The following BANF2 variants were observed in gnomAD, a reference collection of about 807,000 sequenced individuals.
BANF2 encodes BANF family member 2.
BANF2 carries 4 observed loss-of-function variants against 8.0 expected under a neutral mutation model. The observed-to-expected ratio is 0.50, with a 90% confidence interval of 0.25 to 1.14. The LOEUF is 1.14. Ranked by LOEUF, BANF2 falls within the 50% of genes most tolerant of loss-of-function variation. The pLI is 0.16. For synonymous variants in BANF2, 50 were observed against 40.6 expected, an observed-to-expected ratio of 1.23 and a Z score of -0.88; for missense variants, 96 against 107.5, an observed-to-expected ratio of 0.89 and a Z score of 0.47.
intron 1 of BANF2, among the ~76,000 whole-genome samples, chr20:17,694,429 A>C (rs1213236218): frequency 6.6e-6 from 1 of 152,066 alleles, no homozygotes; most frequent in Non-Finnish European, 1.5e-5. Flanking sequence ...AGGGTGTTCG[A>C]CAATCTTAGG....
In BANF2 at chr20:17,725,137, A is replaced by G. The variant is rs1363782148; in HGVS notation, c.112A>G (p.Lys38Glu). The change falls in exon 3 of 4, where the codon AAA (lysine) becomes GAA (glutamate). Residue 38 changes from lysine to glutamate, a missense_variant. By Grantham distance (56) the Lys-to-Glu change is moderately conservative. Coordinates refer to ENST00000246090, the MANE Select transcript of BANF2 (RefSeq NM_178477.5). ...SHELAINLVT[K>E]GINKAYILLG... ...TGAGCTCGCGATCAATTTGGTCACC[A>G]AAGGTATCAATAAGGTAATTCATAT... 3 of 1,612,624 alleles carry G rather than the reference A, an allele frequency of 1.9e-6. No individual in the cohort carries two copies. The highest frequency in any genetic ancestry group is 2.5e-6 in the Non-Finnish European group (3 of 1,178,602).
intron 1 of BANF2, among the ~76,000 whole-genome samples, chr20:17,711,367 AC>A (rs368502390): frequency 1.3e-5 from 2 of 152,324 alleles, no homozygotes; most frequent in African/African-American, 4.8e-5. Flanking sequence ...CACCACACTT[AC>A]CCGTATAAAG....
chr20:17,714,022 A>G (rs1465274487), intron 1 of BANF2, among the ~76,000 whole-genome samples: 1 of 151,932 alleles, frequency 6.6e-6, no homozygotes, highest in Non-Finnish European at 1.5e-5. Flanking sequence ...CCTGGCCAAC[A>G]TGATGAAACC....
intron 1 of BANF2, among the ~76,000 whole-genome samples, chr20:17,719,016 G>A (rs1037376369): frequency 2.0e-5 from 3 of 152,218 alleles, no homozygotes; most frequent in African/African-American, 7.2e-5. Flanking sequence ...ACCCAATGCT[G>A]CAGCTCGCCC....
chr20:17,715,909 T>A (rs1176816214), intron 1 of BANF2, among the ~76,000 whole-genome samples: 1 of 152,214 alleles, frequency 6.6e-6, no homozygotes, highest in Non-Finnish European at 1.5e-5. Context: ...GGCCTGCAAA[T>A]GATTACTGGG....
rs554018550 is a variant in BANF2 at position 17,714,676 on chromosome 20, T to A, written c.-166-8040T>A. ...GCCAGAAGTTCTAGGGAATTCAAAA[T>A]TTTTTTTTTTGAAAAAATGGGCAAT... is the stretch of plus-strand genomic sequence containing the variant. On this transcript the variant is annotated intron_variant, in intron 1 of 3. Coordinates refer to ENST00000246090, the MANE Select transcript of BANF2 (RefSeq NM_178477.5). Among the ~76,000 whole-genome samples, 566 of 125,628 alleles carry A rather than the reference T, an allele frequency of 4.5e-3. 3 individuals carry two copies. The highest frequency in any genetic ancestry group is 0.014 in the African/African-American group (537 of 39,188). The allele number at this position is 125,628 out of a possible 152,430, so 82.4% of individuals were successfully genotyped here.
intron 3 of BANF2, among the ~76,000 whole-genome samples, chr20:17,733,222 A>AGTT (rs2037927792): frequency 6.6e-6 from 1 of 152,196 alleles, no homozygotes; most frequent in Non-Finnish European, 1.5e-5. Context: ...CAGGGGATGC[A>AGTT]TTAGCCTCCA....
chr20:17,708,198 G>A (rs1382116547), intron 1 of BANF2, among the ~76,000 whole-genome samples: 1 of 152,026 alleles, frequency 6.6e-6, no homozygotes, highest in East Asian at 1.9e-4. Context: ...CTGCACTCTA[G>A]CCTGGGTGAC....
At chr20:17,699,659 T>C (rs2037381211), upstream of BANF2, among the ~76,000 whole-genome samples, 1 of 152,190 alleles carries the variant, frequency 6.6e-6, no homozygotes, top group South Asian at 2.1e-4. Context: ...TTTAACTGAA[T>C]TGACGCAGGC....
At chr20:17,714,988 A>G (rs1600219743) in intron 1 of BANF2, among the ~76,000 whole-genome samples, 1 of 152,238 alleles carries the variant, frequency 6.6e-6, no homozygotes, top group East Asian at 1.9e-4. Context: ...GAGACTGTAA[A>G]TGAACAGAGA....
At chr20:17,698,995 C>T (rs567518530), upstream of BANF2, among the ~76,000 whole-genome samples, 3 of 152,120 alleles carry the variant, frequency 2.0e-5, no homozygotes, top group Middle Eastern at 3.4e-3. Flanking sequence ...GCAGCCTCAA[C>T]GTCATGTGGG....
intron 1 of BANF2, among the ~76,000 whole-genome samples, chr20:17,719,920 C>G (rs1233508613): frequency 6.6e-6 from 1 of 152,200 alleles, no homozygotes; most frequent in Non-Finnish European, 1.5e-5. Flanking sequence ...ACCCCATCAT[C>G]CCAGCAAATC....
chr20:17,727,852 C>T (rs913592032), intron 3 of BANF2, among the ~76,000 whole-genome samples: 2 of 152,158 alleles, frequency 1.3e-5, no homozygotes, highest in African/African-American at 4.8e-5. Flanking sequence ...GCAGCCTCCA[C>T]CTCAGCCTCC....
intron 2 of BANF2, among the ~76,000 whole-genome samples, chr20:17,724,230 A>G (rs1389814917): frequency 6.6e-6 from 1 of 152,232 alleles, no homozygotes; most frequent in Admixed American, 6.5e-5. Flanking sequence ...TTTTGCTAAG[A>G]CAGAGAGTCT....
At chr20:17,695,486 A>G (rs1204647134), upstream of BANF2, among the ~76,000 whole-genome samples, 2 of 148,184 alleles carry the variant, frequency 1.3e-5, no homozygotes, top group Admixed American at 1.3e-4. Flanking sequence ...TCGCATAGGT[A>G]AAATTTTGGT....
chr20:17,696,322 T>A (rs1485440606), upstream of BANF2, among the ~76,000 whole-genome samples: 3 of 152,190 alleles, frequency 2.0e-5, no homozygotes, highest in African/African-American at 7.2e-5. Flanking sequence ...GTGTTTTCAT[T>A]TGTCTTGGGT....
intron 3 of BANF2, 98 bp from the exon 4 acceptor site, chr20:17,735,567 A>C: frequency 7.2e-7 from 1 of 1,398,002 alleles, no homozygotes; most frequent in Non-Finnish European, 9.9e-7. Flanking sequence ...CCCTCCTTTG[A>C]TTGTCACGTG....
chr20:17,725,727 T>C (rs899318801), intron 3 of BANF2, among the ~76,000 whole-genome samples: 1 of 152,228 alleles, frequency 6.6e-6, no homozygotes, highest in South Asian at 2.1e-4. Context: ...CAGGAGAGGA[T>C]GAGACAGTCC....
In BANF2 at chr20:17,714,146, G is replaced by A. The variant is rs567751241; in HGVS notation, c.-166-8570G>A. ...CGGGAGGCAGAGATTGTAGTGAGCC[G>A]AGATTGTACCACTGCACTCCAGCAG... On this transcript the variant is annotated intron_variant, in intron 1 of 3. Transcript: ENST00000246090. 1.8e-4 allele frequency among the ~76,000 whole-genome samples: 24 copies of A among 137,024 alleles called. 1 individual carries two copies. Among genetic ancestry groups the A allele is most frequent in the East Asian group, 8.9e-4 (4 of 4,470 alleles). 89.9% of individuals were successfully genotyped at this position (137,024 alleles called of 152,430 possible). A position where few individuals can be genotyped will look rare whatever the true frequency, so the allele number is the denominator to read the frequency against.
Sources: gnomAD v4.1 joint callset for allele counts (sites outside exome capture counted in the v4.1 genomes callset) on GRCh38, gnomAD v4.1.1 for gene constraint, MANE v1.5 for transcripts, NCBI Gene and HGNC (gene_info 2026-07-23, HGNC 2026-07-21) for gene names.